The following SPATA31C2 variants were observed in gnomAD, a reference collection of about 807,000 sequenced individuals.
SPATA31C2 encodes the protein spermatogenesis-associated protein 31C2.
SPATA31C2 carries 5 observed loss-of-function variants against 11.4 expected under a neutral mutation model. The observed-to-expected ratio is 0.44, with a 90% confidence interval of 0.23 to 0.92. The LOEUF is 0.92. SPATA31C2 is among the 40% of genes least tolerant of loss of function. The pLI, the probability that SPATA31C2 is intolerant of heterozygous loss-of-function variation, is 0.24. For synonymous variants in SPATA31C2, 515 were observed against 538.7 expected (o/e 0.96, Z 0.61); for missense variants, 1,353 against 1,368.6 (o/e 0.99, Z 0.18).
In SPATA31C2 at chr9:88,129,617, G is replaced by A. The variant is rs774497697; in HGVS notation, c.*15C>T. ...GGCCCCATTGCTCATTGTTGCACCGGACACTTTTCAAGGGCTACTGATCTC... is the reference window on the plus strand; with the variant it reads ...GGCCCCATTGCTCATTGTTGCACCGAACACTTTTCAAGGGCTACTGATCTC... On this transcript the variant is annotated 3_prime_UTR_variant, in exon 4 of 4. Coordinates refer to ENST00000324915, the MANE Select transcript of SPATA31C2 (RefSeq NM_001350978.3). 8 of 1,602,610 alleles carry A rather than the reference G, an allele frequency of 5.0e-6. No individual in the cohort carries two copies. In the East Asian group the frequency reaches 1.6e-4, roughly 32 times the overall value.
At position 88,131,281 on chromosome 9, in the gene SPATA31C2, G is replaced by A. The variant is rs1339115393; in HGVS notation, c.1756C>T (p.Gln586Ter). ...ACGGGGATCAAGCCCTCGTTGGTCT[G>A]GCCCAACTTTCTGCTCATGTGGGCT... Reference protein sequence around the residue: ...LKAHMSRKLGQTNEGLIPVSV... With the variant: ...LKAHMSRKLG Residue 586 changes from glutamine (Q) to a stop codon, truncating the protein, a stop_gained, in exon 4 of 4, where the codon CAG becomes TAG. Coordinates refer to ENST00000324915, the MANE Select transcript of SPATA31C2 (RefSeq NM_001350978.3). LOFTEE classifies it low-confidence loss of function (END_TRUNC). The A allele has an allele frequency of 5.6e-6, 9 of 1,611,714 alleles. No individual in the cohort carries two copies.
intron 1 of SPATA31C2, among the ~76,000 whole-genome samples, chr9:88,134,471 A>T (rs1393927756): frequency 1.4e-5 from 2 of 141,846 alleles, no homozygotes; most frequent in African/African-American, 5.3e-5. Context: ...CCGTCTCATG[A>T]CCAGAGACCT....
Position 88,129,616 on chromosome 9 carries a change from G to A in SPATA31C2, c.*16C>T, listed in dbSNP as rs770779200. The A allele has an allele frequency of 1.2e-5, 19 of 1,602,430 alleles. No individual in the cohort carries two copies. Among genetic ancestry groups the A allele is most frequent in the South Asian group, 9.9e-5 (9 of 90,922 alleles). On this transcript the variant is annotated 3_prime_UTR_variant, in exon 4 of 4. Coordinates refer to ENST00000324915, the MANE Select transcript of SPATA31C2 (RefSeq NM_001350978.3). ...AGGCCCCATTGCTCATTGTTGCACC[G>A]GACACTTTTCAAGGGCTACTGATCT...
rs1274359158 is a variant in SPATA31C2, at chr9:88,133,801, C to T, written c.190-132G>A. On this transcript the variant is annotated intron_variant, in intron 1 of 3. Transcript: ENST00000324915. ...TCAGGGAGCTCTGTGTGCTTCCTCCCCTCCCACTCATGTTTAAATGGATGA... is the reference window on the plus strand; with the variant it reads ...TCAGGGAGCTCTGTGTGCTTCCTCCTCTCCCACTCATGTTTAAATGGATGA... 19 of 1,336,274 alleles carry T rather than the reference C, an allele frequency of 1.4e-5. No homozygotes were observed. In the South Asian group the frequency reaches 2.0e-4, roughly 14 times the overall value. 82.8% of individuals were successfully genotyped at this position (1,336,274 alleles called of 1,614,324 possible). A position where few individuals can be genotyped will look rare whatever the true frequency, so the allele number is the denominator to read the frequency against.
intron 1 of SPATA31C2, 22 bp from the exon 2 acceptor site, chr9:88,133,691 G>A (rs1262350390): frequency 1.2e-6 from 2 of 1,602,880 alleles, no homozygotes; most frequent in African/African-American, 1.3e-5. Flanking sequence ...GAAATGGCGA[G>A]GAGCTAGGAC....
Position 88,130,303 on chromosome 9 carries a change from T to A in SPATA31C2, c.2734A>T (p.Met912Leu). The change falls in exon 4 of 4, where the codon ATG (methionine) becomes TTG (leucine). Residue 912 changes from methionine to leucine, a missense_variant. This residue lies in a region of SPATA31C2 where 1,075 missense variants were observed against 992.8 expected (regional missense o/e 1.08). Transcript: ENST00000324915. ...GHLQSMPTGN[M>L]QASQELCDLM... ...TCACATAGCTCCTGGGAAGCCTGCA[T>A]GTTCCCAGTAGGCATGCTCTGGAGA... 1 of 1,609,096 alleles carries A rather than the reference T, an allele frequency of 6.2e-7. No homozygotes were observed. Among genetic ancestry groups the A allele is most frequent in the South Asian group, 1.1e-5 (1 of 90,826 alleles).
rs746423737 is a variant in SPATA31C2 at position 88,129,691 on chromosome 9, GT to G, written c.3345del (p.Gln1115HisfsTer23). On this transcript the variant is annotated frameshift_variant, in exon 4 of 4. Transcript: ENST00000324915. LOFTEE classifies it low-confidence loss of function (END_TRUNC). Reference protein sequence around the residue: ...SRMLSYAASSQQATLKNQSRP... With the variant: ...SRMLSYAASSXQATLKNQSRP... ...CGACTCTGGTTCTTGAGAGTGGCTTGTTGACTGCTGGCTGCATAGCTCAGCA... is the reference window on the plus strand; with the variant it reads ...CGACTCTGGTTCTTGAGAGTGGCTTGTGACTGCTGGCTGCATAGCTCAGCA... The G allele has an allele frequency of 6.3e-7, 1 of 1,585,810 alleles. No individual in the cohort carries two copies. Among genetic ancestry groups the G allele is most frequent in the East Asian group, 2.3e-5 (1 of 43,848 alleles).
Position 88,131,413 on chromosome 9 carries a change from C to A in SPATA31C2, c.1624G>T (p.Ala542Ser), listed in dbSNP as rs766290173. The A allele has an allele frequency of 3.1e-6, 5 of 1,611,866 alleles. No homozygotes were observed. The African/African-American group carries it at 6.7e-5, about 22-fold the overall frequency. ...MESFPGKVLG[A>S]TSEESERNLR... is the part of the protein sequence containing the mutation. ...TTCCTTTCCGACTCCTCAGAGGTCGCCCCCAGAACCTTCCCTGGGAAGCTT... is the reference window on the plus strand; with the variant it reads ...TTCCTTTCCGACTCCTCAGAGGTCGACCCCAGAACCTTCCCTGGGAAGCTT... Residue 542 changes from alanine (A) to serine (S), a missense_variant, in exon 4 of 4, where the codon GCG (alanine) becomes TCG (serine). By Grantham distance (99) the Ala-to-Ser change is moderately conservative. Coordinates refer to ENST00000324915, the MANE Select transcript of SPATA31C2 (RefSeq NM_001350978.3).
At chr9:88,133,532 G>T in intron 2 of SPATA31C2, 62 bp downstream of exon 2, 1 of 1,587,198 alleles carries the variant, frequency 6.3e-7, no homozygotes, top group South Asian at 1.1e-5. Context: ...CTTCTTCAGA[G>T]TCAGTTCCCT....
At chr9:88,133,354 C>T (rs1457077892) in intron 2 of SPATA31C2, among the ~76,000 whole-genome samples, 1 of 67,060 alleles carries the variant, frequency 1.5e-5, no homozygotes, top group African/African-American at 6.7e-5. Context: ...TCACCCCCCT[C>T]CGCATCCAGG....
rs562128699 is a variant in SPATA31C2 at position 88,130,110 on chromosome 9, G to C, written c.2927C>G (p.Thr976Ser). 6.2e-7 allele frequency: 1 copy of C among 1,607,870 alleles called. No individual in the cohort carries two copies. The highest frequency in any genetic ancestry group is 8.5e-7 in the Non-Finnish European group (1 of 1,177,416). ...KHEEMFQGLR[T>S]PQLTPGRKTE... ...TTTCCTGCCTGGGGTAAGTTGAGGA[G>C]TCCTCAATCCTTGAAACATTTCTTC... is the stretch of plus-strand genomic sequence containing the variant. The change falls in exon 4 of 4, where the codon ACT (threonine) becomes AGT (serine). Residue 976 changes from threonine to serine, a missense_variant. By Grantham distance (58) the Thr-to-Ser change is moderately conservative. This residue lies in a region of SPATA31C2 where 187 missense variants were observed against 205.8 expected (regional missense o/e 0.91). Coordinates refer to ENST00000324915, the MANE Select transcript of SPATA31C2 (RefSeq NM_001350978.3).
At position 88,131,115 on chromosome 9, in the gene SPATA31C2, C is replaced by T; in HGVS notation, c.1922G>A (p.Cys641Tyr). ...ATGGGCTCCCAGCACCTGCTGAGTACACGGCTCAAGGAAGGAAAGCACCTG... is the reference window on the plus strand; with the variant it reads ...ATGGGCTCCCAGCACCTGCTGAGTATACGGCTCAAGGAAGGAAAGCACCTG... ...TAQVLSFLEPCTQQVLGAHIV... is the reference protein window; with the variant it reads ...TAQVLSFLEPYTQQVLGAHIV... Residue 641 changes from cysteine (C) to tyrosine (Y), a missense_variant, in exon 4 of 4, where the codon TGT becomes TAT. Physicochemically the swap from Cys to Tyr is radical, Grantham distance 194. Around this residue, in one of 6 missense-constraint regions of SPATA31C2, gnomAD observed 1,075 missense variants for 992.8 expected, o/e 1.08. Coordinates refer to ENST00000324915, the MANE Select transcript of SPATA31C2 (RefSeq NM_001350978.3). 6.2e-7 allele frequency: 1 copy of T among 1,612,044 alleles called. No homozygotes were observed.
At chr9:88,138,102 C>CCCCTGGCTG (rs1275275076) in intron 1 of SPATA31C2, among the ~76,000 whole-genome samples, 156 bp downstream of exon 1, 1 of 77,828 alleles carries the variant, frequency 1.3e-5, no homozygotes, top group Non-Finnish European at 2.2e-5. Flanking sequence ...CCCCTACCAA[C>CCCCTGGCTG]CCCTGGCTGC....
chr9:88,136,656 T>C (rs1211374382), intron 1 of SPATA31C2, among the ~76,000 whole-genome samples: 1 of 147,046 alleles, frequency 6.8e-6, no homozygotes, highest in Non-Finnish European at 1.5e-5. Flanking sequence ...AAATTTCATA[T>C]TTTTACATTG....
Position 88,132,166 on chromosome 9 carries a change from C to T in SPATA31C2, c.871G>A (p.Glu291Lys). The T allele has an allele frequency of 1.2e-6, 2 of 1,610,626 alleles. No individual in the cohort carries two copies. Among genetic ancestry groups the T allele is most frequent in the African/African-American group, 1.3e-5 (1 of 74,960 alleles). The change falls in exon 4 of 4, where the codon GAG becomes AAG. Residue 291 changes from glutamate (E) to lysine (K), a missense_variant. By Grantham distance (56) the Glu-to-Lys change is moderately conservative (BLOSUM62 1). This residue lies in a region of SPATA31C2 where 1,075 missense variants were observed against 992.8 expected (regional missense o/e 1.08). Coordinates refer to ENST00000324915, the MANE Select transcript of SPATA31C2 (RefSeq NM_001350978.3). ...SQVSALSWSQ[E>K]TTKTWCVFNS... Reference sequence around the variant, plus strand: ...AAGACGCACCAGGTTTTGGTAGTCTCCTGCGACCAGGAGAGGGCAGAAACT... The same window carrying T: ...AAGACGCACCAGGTTTTGGTAGTCTTCTGCGACCAGGAGAGGGCAGAAACT...
Position 88,136,569 on chromosome 9 carries a change from C to A in SPATA31C2, c.189+1689G>T, listed in dbSNP as rs144016653. Among the ~76,000 whole-genome samples, 1,184 of 146,636 alleles carry A rather than the reference C, an allele frequency of 8.1e-3. 1 individual carries two copies. The highest frequency in any genetic ancestry group is 0.017 in the Middle Eastern group (5 of 290). On this transcript the variant is annotated intron_variant, in intron 1 of 3. Transcript: ENST00000324915. ...TTTGATAACATCCAATTAATAAATTCTTAGAATTGATTGTGCTTTTCTGGT... is the reference window on the plus strand; with the variant it reads ...TTTGATAACATCCAATTAATAAATTATTAGAATTGATTGTGCTTTTCTGGT...
chr9:88,136,541 A>C (rs1417510092), intron 1 of SPATA31C2, among the ~76,000 whole-genome samples: 1 of 147,454 alleles, frequency 6.8e-6, no homozygotes, highest in Non-Finnish European at 1.5e-5. Context: ...AAAAGTTTTA[A>C]ATTTTGATAA....
At position 88,129,747 on chromosome 9, in the gene SPATA31C2, C is replaced by G; in HGVS notation, c.3290G>C (p.Arg1097Thr). 6.2e-7 allele frequency: 1 copy of G among 1,603,892 alleles called. No homozygotes were observed. Among genetic ancestry groups the G allele is most frequent in the South Asian group, 1.1e-5 (1 of 90,946 alleles). Residue 1097 changes from arginine to threonine, a missense_variant, in exon 4 of 4, where the codon AGA becomes ACA. By Grantham distance (71) the Arg-to-Thr change is moderately conservative (BLOSUM62 -1). Transcript: ENST00000324915. ...GCTGTGTTCTGAGTAGAACGGGTGT[C>G]TGTGGTTGCAGGGAAACCCACAGAC... is the stretch of plus-strand genomic sequence containing the variant. ...APVCGFPCNH[R>T]HPFYSEHSRM...
At position 88,133,641 on chromosome 9, in the gene SPATA31C2, C is replaced by T. The variant is rs773713957; in HGVS notation, c.218G>A (p.Gly73Glu). Residue 73 changes from glycine to glutamate, a missense_variant, in exon 2 of 4, where the codon GGG becomes GAG. Physicochemically the swap from Gly to Glu is moderately conservative, Grantham distance 98. Coordinates refer to ENST00000324915, the MANE Select transcript of SPATA31C2 (RefSeq NM_001350978.3). ...CCTGCCTCTGGGCCTCCCCCTCCGCCCTGCTGGACGCTGGGAGACAAGATG... is the reference window on the plus strand; with the variant it reads ...CCTGCCTCTGGGCCTCCCCCTCCGCTCTGCTGGACGCTGGGAGACAAGATG... ...KRHLVSQRPA[G>E]RRGRPRGRMK... is the part of the protein sequence containing the mutation. 8 of 1,585,454 alleles carry T rather than the reference C, an allele frequency of 5.0e-6. No homozygotes were observed. Among genetic ancestry groups the T allele is most frequent in the Non-Finnish European group, 6.9e-6 (8 of 1,164,536 alleles).
Sources: allele counts gnomAD v4.1 joint callset (sites outside exome capture counted in the v4.1 genomes callset), GRCh38; gene constraint gnomAD v4.1.1; regional missense constraint gnomAD v4.1.1; transcripts MANE v1.5; gene names NCBI Gene and HGNC (gene_info 2026-07-23, HGNC 2026-07-21).